The following ELMO1 variants were observed in gnomAD, a reference collection of about 807,000 sequenced individuals.
ELMO1 encodes engulfment and cell motility protein 1.
In ELMO1, 26 loss-of-function variants were observed where a neutral mutation model predicts 98.9. The ratio of observed to expected loss-of-function variants is 0.26; its 90% CI spans 0.19 to 0.36. ELMO1 has a LOEUF of 0.36. Among genes scored for constraint, ELMO1 ranks in the 10% least tolerant of loss-of-function variants. ELMO1 has a pLI of 1.00. For synonymous variants in ELMO1, 346 were observed against 346.0 expected (o/e 1.00, Z 0.00); for missense variants, 627 against 935.2 (o/e 0.67, Z 4.30).
intron 15 of ELMO1, among the ~76,000 whole-genome samples, chr7:37,066,811 A>C (rs1351418081): frequency 6.6e-6 from 1 of 152,194 alleles, no homozygotes; most frequent in Non-Finnish European, 1.5e-5. Flanking sequence ...AGAACATTGG[A>C]CTCAAGAGCT....
At chr7:37,018,720 G>A (rs939768908) in intron 15 of ELMO1, among the ~76,000 whole-genome samples, 1 of 152,180 alleles carries the variant, frequency 6.6e-6, no homozygotes, top group Non-Finnish European at 1.5e-5. Flanking sequence ...CAGGTGATCT[G>A]CCCGCCTTGA....
At chr7:37,421,956 C>A (rs1224706786) in intron 1 of ELMO1, among the ~76,000 whole-genome samples, 6 of 152,148 alleles carry the variant, frequency 3.9e-5, no homozygotes, top group Admixed American at 6.5e-5. Flanking sequence ...AGGAAGCCAA[C>A]CTATCCTCCC....
chr7:37,239,281 C>T (rs932271444), intron 7 of ELMO1, among the ~76,000 whole-genome samples: 7 of 152,186 alleles, frequency 4.6e-5, no homozygotes, highest in Non-Finnish European at 8.8e-5. Flanking sequence ...TTCTCTGCCT[C>T]AGTCTCTCAA....
chr7:37,260,656 G>A (rs903223441), intron 5 of ELMO1, among the ~76,000 whole-genome samples: 2 of 152,128 alleles, frequency 1.3e-5, no homozygotes, highest in African/African-American at 2.4e-5. Context: ...TTTAGGACCC[G>A]AGACAGGGAT....
intron 13 of ELMO1, among the ~76,000 whole-genome samples, chr7:37,138,194 G>T (rs1787387537): frequency 6.6e-6 from 1 of 150,662 alleles, no homozygotes; most frequent in Non-Finnish European, 1.5e-5. Flanking sequence ...CAGAAGAAAA[G>T]AAATAATGAA....
In ELMO1 at chr7:37,071,697, A is replaced by C. The variant is rs576153254; in HGVS notation, c.1300+24922T>G. On this transcript the variant is annotated intron_variant, in intron 15 of 21. Coordinates refer to ENST00000310758, the MANE Select transcript of ELMO1 (RefSeq NM_014800.11). Reference sequence around the variant, plus strand: ...TCCTTTATTTGGTGTAACTTGAAAAAAACAAAACTCATGCTACCATATTTT... The same window carrying C: ...TCCTTTATTTGGTGTAACTTGAAAACAACAAAACTCATGCTACCATATTTT... 1.7e-3 allele frequency among the ~76,000 whole-genome samples: 259 copies of C among 152,356 alleles called. 5 individuals carry two copies. The highest frequency in any genetic ancestry group is 5.9e-3 in the African/African-American group (246 of 41,586).
intron 15 of ELMO1, among the ~76,000 whole-genome samples, chr7:37,056,690 G>T (rs777230482): frequency 6.6e-6 from 1 of 152,202 alleles, no homozygotes; most frequent in Middle Eastern, 3.2e-3. Context: ...AGATGGAAAC[G>T]TCTATCATCC....
chr7:37,129,169 A>G (rs1433013774), intron 14 of ELMO1, among the ~76,000 whole-genome samples: 3 of 151,920 alleles, frequency 2.0e-5, no homozygotes, highest in African/African-American at 7.3e-5. Flanking sequence ...GGGGGATGGA[A>G]AGAGGGAAAG....
At chr7:36,857,303 A>T (rs1223389407) in intron 21 of ELMO1, among the ~76,000 whole-genome samples, 4 of 152,238 alleles carry the variant, frequency 2.6e-5, no homozygotes, top group African/African-American at 9.6e-5. Flanking sequence ...CCTTGACAGA[A>T]GTAGACACCT....
intron 15 of ELMO1, among the ~76,000 whole-genome samples, chr7:37,065,743 A>G (rs1057181641): frequency 6.6e-6 from 1 of 152,184 alleles, no homozygotes; most frequent in Non-Finnish European, 1.5e-5. Context: ...TGAAAATGAA[A>G]ACGCTCGTGC....
At chr7:37,120,505 C>T (rs574941080) in intron 14 of ELMO1, among the ~76,000 whole-genome samples, 27 of 152,348 alleles carry the variant, frequency 1.8e-4, no homozygotes, top group South Asian at 1.7e-3. Context: ...GAGGGTCCCA[C>T]GCCCACAGAG....
intron 1 of ELMO1, among the ~76,000 whole-genome samples, chr7:37,369,574 G>GA (rs1802031140): frequency 6.8e-6 from 1 of 146,286 alleles, no homozygotes; most frequent in Admixed American, 6.8e-5. Context: ...GAATGAAAAA[G>GA]AAAAACAGAC....
chr7:36,871,113 T>C (rs1230905000), intron 19 of ELMO1, among the ~76,000 whole-genome samples: 4 of 152,262 alleles, frequency 2.6e-5, no homozygotes, highest in Non-Finnish European at 5.9e-5. Context: ...AGAATTCCTT[T>C]CTGATACAGG....
At chr7:37,167,201 C>G (rs1789770366) in intron 13 of ELMO1, among the ~76,000 whole-genome samples, 1 of 151,830 alleles carries the variant, frequency 6.6e-6, no homozygotes, top group Non-Finnish European at 1.5e-5. Flanking sequence ...GTAGATCTTC[C>G]TCCATCCCTT....
intron 15 of ELMO1, among the ~76,000 whole-genome samples, chr7:37,035,058 T>A (rs1322842126): frequency 6.6e-6 from 1 of 152,198 alleles, no homozygotes; most frequent in East Asian, 1.9e-4. Context: ...TGGTGCTTGC[T>A]TCTCTTCCTT....
intron 13 of ELMO1, among the ~76,000 whole-genome samples, chr7:37,156,284 T>A (rs534360908): frequency 5.3e-5 from 8 of 151,118 alleles, no homozygotes; most frequent in African/African-American, 1.9e-4. Context: ...AGTAAAAACT[T>A]CAAAAGCTAG....
At chr7:36,928,286 A>C (rs1449005753) in intron 16 of ELMO1, among the ~76,000 whole-genome samples, 1 of 152,140 alleles carries the variant, frequency 6.6e-6, no homozygotes, top group East Asian at 1.9e-4. Context: ...AAACATTCTA[A>C]ATCTCCTTCT....
At position 37,122,781 on chromosome 7, in the gene ELMO1, G is replaced by A. The variant is rs571880825; in HGVS notation, c.1191+10349C>T. On this transcript the variant is annotated intron_variant, in intron 14 of 21. Transcript: ENST00000310758. ...AATTGAACTCAGCTCTCCACCAAGC[G>A]GACCTAATAGACATCTACAGAACTC... 7.3e-3 allele frequency among the ~76,000 whole-genome samples: 1,106 copies of A among 152,136 alleles called. 12 individuals carry two copies. The highest frequency in any genetic ancestry group is 0.025 in the African/African-American group (1,028 of 41,500).
intron 4 of ELMO1, among the ~76,000 whole-genome samples, chr7:37,276,091 G>C (rs1434050198): frequency 1.3e-5 from 2 of 152,170 alleles, no homozygotes; most frequent in Non-Finnish European, 2.9e-5. Flanking sequence ...GGAAAACCTG[G>C]TGCAAGTGGC....
Sources: gnomAD v4.1 joint callset for allele counts (sites outside exome capture counted in the v4.1 genomes callset) on GRCh38, gnomAD v4.1.1 for gene constraint, MANE v1.5 for transcripts, NCBI Gene and HGNC (gene_info 2026-07-23, HGNC 2026-07-21) for gene names.